The following LRTM3 variants were observed in gnomAD, a reference collection of about 807,000 sequenced individuals.
LRTM3 encodes leucine rich repeat transmembrane protein 3, also known as leucine-rich repeat transmembrane protein 3.
At chr13:102,729,683 A>T in the LRTM3 span, 1 of 1,551,756 alleles carries the variant, frequency 6.4e-7, no homozygotes, top group Non-Finnish European at 8.7e-7. Flanking sequence ...TTCAGAATAG[A>T]AGTTGATATC....
the LRTM3 span, chr13:102,735,653 C>T: frequency 9.7e-5 from 150 of 1,551,108 alleles, no homozygotes; most frequent in Non-Finnish European, 1.2e-4. Context: ...TCTGAGTCCA[C>T]CTTTCTCTTC....
the LRTM3 span, chr13:102,740,819 T>C: frequency 5.8e-6 from 9 of 1,549,590 alleles, no homozygotes; most frequent in Admixed American, 9.8e-5. Context: ...CCCTAAACTA[T>C]TGATTGCCTT....
the LRTM3 span, chr13:102,745,832 A>T: frequency 6.4e-7 from 1 of 1,551,226 alleles, no homozygotes; most frequent in South Asian, 1.2e-5. Context: ...TTCAAATGGA[A>T]ATTGATCCAG....
chr13:102,734,882 T>C, the LRTM3 span: 1 of 1,551,176 alleles, frequency 6.4e-7, no homozygotes, highest in East Asian at 2.4e-5. Flanking sequence ...CACGTCATCC[T>C]CTTCCTTGTT....
At chr13:102,738,800 A>G in the LRTM3 span, 1 of 1,550,370 alleles carries the variant, frequency 6.5e-7, no homozygotes, top group South Asian at 1.2e-5. Flanking sequence ...CCAAATCTCA[A>G]CTTCTTTATC....
chr13:102,755,955 ATATATATTTTTT>A, the LRTM3 span, among the ~76,000 whole-genome samples: 62 of 101,970 alleles, frequency 6.1e-4, 1 homozygote, highest in African/African-American at 2.7e-3. Context: ...ATATATATAT[ATATATATTTTTT>A]TTTTTTCCTT....
chr13:102,757,537 C>T, the LRTM3 span, among the ~76,000 whole-genome samples: 21 of 152,318 alleles, frequency 1.4e-4, no homozygotes, highest in East Asian at 4.0e-3. Context: ...CTGACTCAAC[C>T]TCAACATTCC....
chr13:102,752,339 C>T, the LRTM3 span, among the ~76,000 whole-genome samples: 1 of 152,162 alleles, frequency 6.6e-6, no homozygotes, highest in African/African-American at 2.4e-5. Flanking sequence ...TGAGTATTAT[C>T]CACCTCGTTC....
chr13:102,735,761 T>A, the LRTM3 span: 54 of 1,546,610 alleles, frequency 3.5e-5, 1 homozygote, highest in Non-Finnish European at 4.7e-5. Context: ...TGATGAATCC[T>A]GAATCTTTAG....
chr13:102,735,437 G>A, the LRTM3 span: 1 of 1,551,268 alleles, frequency 6.4e-7, no homozygotes, highest in Non-Finnish European at 8.7e-7. Flanking sequence ...TCCTTCTGTT[G>A]TATCAAACTT....
the LRTM3 span, chr13:102,733,202 A>C: frequency 6.4e-7 from 1 of 1,551,406 alleles, no homozygotes; most frequent in Non-Finnish European, 8.7e-7. Context: ...TTGCTTTTTC[A>C]TGACAATATC....
At chr13:102,733,417 G>GTC in the LRTM3 span, 1 of 1,551,280 alleles carries the variant, frequency 6.4e-7, no homozygotes, top group East Asian at 2.4e-5. Context: ...GCTGGTGAGC[G>GTC]TATCTCTCTG....
At chr13:102,745,680 CTTTCT>C in the LRTM3 span, 1 of 1,551,038 alleles carries the variant, frequency 6.4e-7, no homozygotes, top group Non-Finnish European at 8.7e-7. Context: ...ATCGCTGTCT[CTTTCT>C]TTTCAGTACC....
chr13:102,746,362 A>C, the LRTM3 span: 1 of 1,550,846 alleles, frequency 6.4e-7, no homozygotes, highest in East Asian at 2.4e-5. Flanking sequence ...TAGCAAAGAC[A>C]TCAGTGTATG....
At chr13:102,746,295 G>C in the LRTM3 span, 1 of 1,550,896 alleles carries the variant, frequency 6.4e-7, no homozygotes, top group East Asian at 2.4e-5. Flanking sequence ...AAAACTTTAT[G>C]TTCCTCTTCC....
chr13:102,737,720 C>G, the LRTM3 span: 4 of 1,550,552 alleles, frequency 2.6e-6, no homozygotes, highest in Admixed American at 2.0e-5. Context: ...TTGTACTTCA[C>G]TTGCGCTATC....
chr13:102,737,640 G>C, the LRTM3 span: 2 of 1,550,618 alleles, frequency 1.3e-6, no homozygotes, highest in Non-Finnish European at 1.7e-6. Context: ...TCTTCTGGAT[G>C]CATTAAGTCT....
chr13:102,740,763 G>A, the LRTM3 span: 22 of 1,548,976 alleles, frequency 1.4e-5, no homozygotes, highest in Non-Finnish European at 1.8e-5. Context: ...TTTTCTGCCT[G>A]TCTTGGAAAA....
At chr13:102,747,951 C>T in the LRTM3 span, 1 of 1,551,220 alleles carries the variant, frequency 6.4e-7, no homozygotes, top group Non-Finnish European at 8.7e-7. Flanking sequence ...TCTGAATTTG[C>T]CTCTTTCTCC....
Sources: allele counts gnomAD v4.1 joint callset (sites outside exome capture counted in the v4.1 genomes callset), GRCh38; gene constraint gnomAD v4.1.1; transcripts MANE v1.5; gene names NCBI Gene and HGNC (gene_info 2026-07-23, HGNC 2026-07-21).